The following THUMPD2 variants were observed in gnomAD, a reference collection of about 807,000 sequenced individuals.
The protein encoded by THUMPD2 is THUMP domain 2 tRNA and snRNA guanosine methyltransferase, also known as U6 snRNA (guanine-N(2))-methyltransferase THUMPD2.
A neutral mutation model predicts 49.4 loss-of-function variants in THUMPD2; 56 were observed. The ratio of observed to expected loss-of-function variants is 1.13; its 90% CI spans 0.91 to 1.41. The LOEUF (loss-of-function observed/expected upper bound fraction) is 1.41. Ranked by LOEUF, THUMPD2 falls within the 40% of genes most tolerant of loss-of-function variation. The pLI, the probability that THUMPD2 is intolerant of heterozygous loss-of-function variation, is 0.00. For missense variants in THUMPD2, 709 were observed against 594.5 expected, an observed-to-expected ratio of 1.19 and a Z score of -2.00; for synonymous variants, 237 against 205.2, an observed-to-expected ratio of 1.15 and a Z score of -1.32.
chr2:39,765,625 A>T (rs1218694020), intron 5 of THUMPD2, among the ~76,000 whole-genome samples: 2 of 152,062 alleles, frequency 1.3e-5, no homozygotes, highest in African/African-American at 4.8e-5. Flanking sequence ...ACTTAATATA[A>T]TTGCTAAAAT....
At chr2:39,743,044 A>G (rs1291039668) in intron 9 of THUMPD2, among the ~76,000 whole-genome samples, 1 of 152,166 alleles carries the variant, frequency 6.6e-6, no homozygotes, top group African/African-American at 2.4e-5. Context: ...AGCATGGGAC[A>G]CTCAGCTCCC....
rs561539902 is a variant in THUMPD2 at position 39,776,210 on chromosome 2, T to C, written c.126+2904A>G. 6.6e-5 allele frequency among the ~76,000 whole-genome samples: 10 copies of C among 152,328 alleles called. No individual in the cohort carries two copies. In the South Asian group the frequency reaches 2.1e-3, roughly 32 times the overall value. ...TCTAAGTGATATGTGTTTGTAGATA[T>C]GTAAATTAAATATTTAACATCATCC... is the stretch of plus-strand genomic sequence containing the variant. On this transcript the variant is annotated intron_variant, in intron 1 of 9. Coordinates refer to ENST00000505747, the MANE Select transcript of THUMPD2 (RefSeq NM_025264.5).
At chr2:39,763,262 T>C (rs966908874) in intron 5 of THUMPD2, among the ~76,000 whole-genome samples, 1 of 152,034 alleles carries the variant, frequency 6.6e-6, no homozygotes, top group Non-Finnish European at 1.5e-5. Context: ...ACCCCAGATC[T>C]TTATCTTCAA....
In THUMPD2 at chr2:39,769,901, A is replaced by C; in HGVS notation, c.481T>G (p.Cys161Gly). Reference sequence around the variant, plus strand: ...TCTTTTATTTGTTTTTCCAGCTGGCAGTCCCTATTCTCTTCTATCTTTTGC... The same window carrying C: ...TCTTTTATTTGTTTTTCCAGCTGGCCGTCCCTATTCTCTTCTATCTTTTGC... Reference protein sequence around the residue: ...QMQKIEENRDCQLEKQIKEET... With the variant: ...QMQKIEENRDGQLEKQIKEET... The change falls in exon 3 of 10, where the codon TGC becomes GGC. Residue 161 changes from cysteine to glycine, a missense_variant. Transcript: ENST00000505747. 1 of 1,598,826 alleles carries C rather than the reference A, an allele frequency of 6.3e-7. No homozygotes were observed. Among genetic ancestry groups the C allele is most frequent in the Non-Finnish European group, 8.5e-7 (1 of 1,176,132 alleles).
At chr2:39,753,791 C>A (rs1162590996) in intron 8 of THUMPD2, among the ~76,000 whole-genome samples, 1 of 152,162 alleles carries the variant, frequency 6.6e-6, no homozygotes, top group African/African-American at 2.4e-5. Flanking sequence ...TCCTTGAATA[C>A]CACCTTGGGC....
intron 1 of THUMPD2, among the ~76,000 whole-genome samples, chr2:39,776,451 T>G (rs1241058491): frequency 6.6e-6 from 1 of 151,084 alleles, no homozygotes; most frequent in Non-Finnish European, 1.5e-5. Context: ...TGGAGTGCAG[T>G]GGCGCGATCT....
intron 9 of THUMPD2, among the ~76,000 whole-genome samples, chr2:39,743,199 G>C (rs1157757698): frequency 6.6e-6 from 1 of 152,132 alleles, no homozygotes; most frequent in Non-Finnish European, 1.5e-5. Flanking sequence ...TATTTACATA[G>C]CAGGCTCTTG....
intron 3 of THUMPD2, 127 bp from the exon 4 acceptor site, chr2:39,768,628 T>C: frequency 1.2e-6 from 1 of 819,542 alleles, no homozygotes; most frequent in South Asian, 1.8e-5. Context: ...TTTAGAGTTC[T>C]GATATTAAAA....
chr2:39,750,246 C>A (rs57704430), intron 8 of THUMPD2, among the ~76,000 whole-genome samples: 1 of 152,188 alleles, frequency 6.6e-6, no homozygotes, highest in African/African-American at 2.4e-5. Flanking sequence ...TTATCCACAA[C>A]CTCACCACCA....
chr2:39,779,083 C>T (rs1466314974), intron 1 of THUMPD2, 31 bp downstream of exon 1: 2 of 1,488,208 alleles, frequency 1.3e-6, no homozygotes, highest in Non-Finnish European at 1.8e-6. Flanking sequence ...GGGCCGCCCA[C>T]CTCCCCAGGC....
intron 9 of THUMPD2, among the ~76,000 whole-genome samples, chr2:39,738,454 C>T (rs555118806): frequency 6.6e-6 from 1 of 151,700 alleles, no homozygotes. Flanking sequence ...ATCCCAGGTA[C>T]TTGGGAGGCT....
intron 9 of THUMPD2, among the ~76,000 whole-genome samples, chr2:39,743,765 C>G (rs1042480967): frequency 3.3e-5 from 5 of 152,208 alleles, no homozygotes; most frequent in Non-Finnish European, 7.3e-5. Flanking sequence ...CAGATAGATG[C>G]TGGCACTGTG....
chr2:39,778,841 T>TA (rs1054498864), intron 1 of THUMPD2, among the ~76,000 whole-genome samples: 3 of 152,224 alleles, frequency 2.0e-5, no homozygotes, highest in African/African-American at 7.2e-5. Context: ...CTTACTACTT[T>TA]AAAGAATCCA....
In THUMPD2 at chr2:39,769,632, G is replaced by A. The variant is rs1483634138; in HGVS notation, c.672+78C>T. 2.0e-5 allele frequency: 27 copies of A among 1,380,832 alleles called. No individual in the cohort carries two copies. In the Admixed American group the frequency reaches 7.1e-4, roughly 36 times the overall value. The allele number at this position is 1,380,832 out of a possible 1,614,324, so 85.5% of individuals were successfully genotyped here. On this transcript the variant is annotated intron_variant, in intron 3 of 9. Coordinates refer to ENST00000505747, the MANE Select transcript of THUMPD2 (RefSeq NM_025264.5). ...CAAAAGAATCACCTGAACCTGGGAG[G>A]TGGAGGTTGCAGTGAGCCAGATTGT...
At chr2:39,756,831 T>C (rs1676195468) in intron 6 of THUMPD2, among the ~76,000 whole-genome samples, 1 of 152,124 alleles carries the variant, frequency 6.6e-6, no homozygotes, top group Non-Finnish European at 1.5e-5. Context: ...TGTTCTTTCT[T>C]AGTTAATGGT....
At chr2:39,776,049 T>C (rs1250375194) in intron 1 of THUMPD2, among the ~76,000 whole-genome samples, 1 of 152,186 alleles carries the variant, frequency 6.6e-6, no homozygotes, top group African/African-American at 2.4e-5. Flanking sequence ...GAGATATCTC[T>C]ACAACATTCA....
chr2:39,768,797 T>A (rs1677895363), intron 3 of THUMPD2: 2 of 874,378 alleles, frequency 2.3e-6, no homozygotes, highest in Admixed American at 5.6e-5. Context: ...ATAAATATGA[T>A]CATTCTGGGT....
In THUMPD2 at chr2:39,752,380, G is replaced by A. The variant is rs1250763365; in HGVS notation, c.1078+2915C>T. 2.6e-5 allele frequency among the ~76,000 whole-genome samples: 4 copies of A among 152,156 alleles called. No homozygotes were observed. In the East Asian group the frequency reaches 5.8e-4, roughly 22 times the overall value. On this transcript the variant is annotated intron_variant, in intron 8 of 9. Transcript: ENST00000505747. The stretch of plus-strand genomic sequence containing the variant: ...TATACTTGGTGTGACTCTTAAAGTC[G>A]GTAAGTGTTCTTAATTCCTATAGTA...
At chr2:39,748,255 C>T (rs1674871585) in intron 8 of THUMPD2, among the ~76,000 whole-genome samples, 1 of 152,170 alleles carries the variant, frequency 6.6e-6, no homozygotes, top group East Asian at 1.9e-4. Flanking sequence ...CCCTAGGACA[C>T]TTTGGCTGAT....
Sources: gnomAD v4.1 joint callset for allele counts (sites outside exome capture counted in the v4.1 genomes callset) on GRCh38, gnomAD v4.1.1 for gene constraint, MANE v1.5 for transcripts, NCBI Gene and HGNC (gene_info 2026-07-23, HGNC 2026-07-21) for gene names.